The following MYRIP variants were observed in gnomAD, a reference collection of about 807,000 sequenced individuals.
MYRIP encodes the protein myosin VIIA and Rab interacting protein.
Under a neutral mutation model 98.0 loss-of-function variants are expected in MYRIP, and 49 were observed. The observed-to-expected ratio is 0.50, with a 90% CI of 0.40 to 0.63. MYRIP has a LOEUF of 0.63. Among genes scored for constraint, MYRIP ranks in the 30% least tolerant of loss-of-function variants. The pLI, the probability that MYRIP is intolerant of heterozygous loss-of-function variation, is 0.00. For missense variants in MYRIP, 1,004 were observed against 1,058.2 expected, an observed-to-expected ratio of 0.95 and a Z score of 0.71; for synonymous variants, 404 against 409.5, an observed-to-expected ratio of 0.99 and a Z score of 0.16.
intron 1 of MYRIP, among the ~76,000 whole-genome samples, chr3:39,896,892 C>A (rs1943622779): frequency 6.6e-6 from 1 of 151,766 alleles, no homozygotes; most frequent in East Asian, 1.9e-4. Context: ...GTTGTATTAA[C>A]CAGTACCTGT....
At chr3:39,930,584 C>A (rs1052707411) in intron 2 of MYRIP, among the ~76,000 whole-genome samples, 2 of 143,400 alleles carry the variant, frequency 1.4e-5, no homozygotes, top group Admixed American at 7.0e-5. Context: ...ATGCTTATTT[C>A]TAAGAAACCA....
At chr3:39,928,363 A>T (rs9879722) in intron 2 of MYRIP, among the ~76,000 whole-genome samples, 39,254 of 150,898 alleles carry the variant, frequency 0.26, 5,607 homozygotes, top group Middle Eastern at 0.37. Flanking sequence ...CAAAGACAGT[A>T]CAAAAAAAAA....
At chr3:40,039,050 C>T (rs1313613015) in intron 2 of MYRIP, among the ~76,000 whole-genome samples, 2 of 152,092 alleles carry the variant, frequency 1.3e-5, no homozygotes, top group Non-Finnish European at 2.9e-5. Flanking sequence ...GCAGCATGCC[C>T]ACATGAAATG....
At chr3:40,161,383 C>G (rs1559427997) in intron 4 of MYRIP, among the ~76,000 whole-genome samples, 1 of 152,152 alleles carries the variant, frequency 6.6e-6, no homozygotes, top group Non-Finnish European at 1.5e-5. Context: ...TTTCACATCT[C>G]CCCTGTCCTT....
At chr3:39,968,320 G>A (rs1204441651) in intron 2 of MYRIP, among the ~76,000 whole-genome samples, 1 of 151,684 alleles carries the variant, frequency 6.6e-6, no homozygotes, top group Non-Finnish European at 1.5e-5. Flanking sequence ...CTACAGGCAC[G>A]TGCCACCATA....
At chr3:40,176,658 A>T (rs1950767193) in intron 8 of MYRIP, among the ~76,000 whole-genome samples, 1 of 152,178 alleles carries the variant, frequency 6.6e-6, no homozygotes, top group Non-Finnish European at 1.5e-5. Context: ...CTGTAATCGC[A>T]GCACTTTGGG....
Position 40,162,817 on chromosome 3 carries a change from T to G in MYRIP, c.550+7T>G, listed in dbSNP as rs1391786785. 4.3e-6 allele frequency: 7 copies of G among 1,613,024 alleles called. No individual in the cohort carries two copies. Among genetic ancestry groups the G allele is most frequent in the Non-Finnish European group, 5.9e-6 (7 of 1,179,140 alleles). On this transcript the variant is annotated splice_region_variant and intron_variant, in intron 5 of 16. Transcript: ENST00000302541. ...TTTTATAGGCAGTCAGAAGGTAAAG[T>G]TGCTTAAGAGTTTACAGCTACTGGG... is the stretch of plus-strand genomic sequence containing the variant.
At chr3:40,035,724 A>T (rs554683998) in intron 2 of MYRIP, among the ~76,000 whole-genome samples, 1 of 152,058 alleles carries the variant, frequency 6.6e-6, no homozygotes, top group African/African-American at 2.4e-5. Context: ...TAAAATTTCT[A>T]TTAAAATCCA....
At chr3:39,878,119 G>A (rs568174551) in intron 1 of MYRIP, among the ~76,000 whole-genome samples, 5 of 152,278 alleles carry the variant, frequency 3.3e-5, no homozygotes, top group East Asian at 1.9e-4. Flanking sequence ...AGCAATCAGC[G>A]AGACTCCGTG....
chr3:39,998,580 T>A (rs981198830), intron 2 of MYRIP, among the ~76,000 whole-genome samples: 2 of 152,114 alleles, frequency 1.3e-5, no homozygotes, highest in African/African-American at 4.8e-5. Flanking sequence ...GAAGAATCAA[T>A]ATTGTGAAAA....
chr3:39,914,503 G>A (rs1289377664), intron 2 of MYRIP, among the ~76,000 whole-genome samples: 1 of 152,008 alleles, frequency 6.6e-6, no homozygotes, highest in African/African-American at 2.4e-5. Context: ...CAATAATATA[G>A]TCAAAAAAAG....
At chr3:40,053,160 T>C (rs575448553) in intron 3 of MYRIP, among the ~76,000 whole-genome samples, 2 of 152,306 alleles carry the variant, frequency 1.3e-5, no homozygotes, top group African/African-American at 4.8e-5. Flanking sequence ...CTCTCCTTTA[T>C]CAGCCTAGTG....
chr3:39,867,150 T>C (rs2125625517), intron 1 of MYRIP, among the ~76,000 whole-genome samples: 1 of 152,308 alleles, frequency 6.6e-6, no homozygotes, highest in Admixed American at 6.5e-5. Context: ...ATAGGGCTCC[T>C]CTCTTACACT....
At chr3:40,019,934 A>G (rs1032598811) in intron 2 of MYRIP, among the ~76,000 whole-genome samples, 2 of 152,204 alleles carry the variant, frequency 1.3e-5, no homozygotes, top group African/African-American at 4.8e-5. Context: ...TTGAACTGAC[A>G]TCTTTTAGGA....
Position 39,946,796 on chromosome 3 carries a change from A to G in MYRIP, c.110+45870A>G, listed in dbSNP as rs552274030. On this transcript the variant is annotated intron_variant, in intron 2 of 16. Transcript: ENST00000302541. ...ATAAAATGTGCCGAGCTTATGACCC[A>G]TGGAAACTGAGGGATAGTCAATTCA... Among the ~76,000 whole-genome samples, 144 of 152,260 alleles carry G rather than the reference A, an allele frequency of 9.5e-4. 1 individual carries two copies. The highest frequency in any genetic ancestry group is 3.4e-3 in the Middle Eastern group (1 of 294).
chr3:40,202,045 C>G (rs1343212459), intron 10 of MYRIP, among the ~76,000 whole-genome samples: 4 of 152,116 alleles, frequency 2.6e-5, no homozygotes, highest in African/African-American at 9.7e-5. Context: ...CACTGAGTGC[C>G]CTAGAGTCGT....
intron 2 of MYRIP, among the ~76,000 whole-genome samples, chr3:40,000,007 C>G (rs1270534092): frequency 1.5e-5 from 2 of 131,502 alleles, no homozygotes; most frequent in Non-Finnish European, 3.1e-5. Flanking sequence ...AGGAGAACAT[C>G]ACACACCAGG....
chr3:40,078,046 G>A (rs182987247), intron 3 of MYRIP, among the ~76,000 whole-genome samples: 2 of 152,254 alleles, frequency 1.3e-5, no homozygotes, highest in South Asian at 2.1e-4. Flanking sequence ...CAGGCATGGC[G>A]GGCTGCAGGT....
intron 4 of MYRIP, among the ~76,000 whole-genome samples, chr3:40,158,714 C>T (rs1259032017): frequency 6.6e-6 from 1 of 151,924 alleles, no homozygotes; most frequent in East Asian, 1.9e-4. Flanking sequence ...GGATACTTAG[C>T]TCTTCTTGTT....
Sources: gnomAD v4.1 joint callset for allele counts (sites outside exome capture counted in the v4.1 genomes callset) on GRCh38, gnomAD v4.1.1 for gene constraint, MANE v1.5 for transcripts, NCBI Gene and HGNC (gene_info 2026-07-23, HGNC 2026-07-21) for gene names.